Variants in ZC3HAV1L observed in about 807,000 individuals in gnomAD.
The protein encoded by ZC3HAV1L is ZC3HAV1 like, also known as zinc finger CCCH-type antiviral protein 1-like.
Under a neutral mutation model 28.2 loss-of-function variants are expected in ZC3HAV1L, and 23 were observed. The ratio of observed to expected loss-of-function variants is 0.82; its 90% CI spans 0.59 to 1.16. ZC3HAV1L has a LOEUF of 1.16. Among genes scored for constraint, ZC3HAV1L ranks in the 50% most tolerant of loss-of-function variants. ZC3HAV1L has a pLI of 0.00. For missense variants in ZC3HAV1L, 376 were observed against 387.7 expected (o/e 0.97, Z 0.25); for synonymous variants, 180 against 163.4 (o/e 1.10, Z -0.78).
rs1815353594 is a variant in ZC3HAV1L, at chr7:139,026,432, A to G, written c.*112T>C. On this transcript the variant is annotated 3_prime_UTR_variant, in exon 5 of 5. Coordinates refer to ENST00000275766, the MANE Select transcript of ZC3HAV1L (RefSeq NM_080660.4). ...TCAGCACTTGCCCTGGACTAGCCCCATCTGCACTCAATTTTAGCCTCTCTT... is the reference window on the plus strand; with the variant it reads ...TCAGCACTTGCCCTGGACTAGCCCCGTCTGCACTCAATTTTAGCCTCTCTT... 3.3e-6 allele frequency: 5 copies of G among 1,523,134 alleles called. No homozygotes were observed. The highest frequency in any genetic ancestry group is 3.5e-6 in the Non-Finnish European group (4 of 1,137,652). 94.4% of individuals were successfully genotyped at this position (1,523,134 alleles called of 1,614,324 possible).
intron 2 of ZC3HAV1L, among the ~76,000 whole-genome samples, chr7:139,033,023 C>T (rs1307569201): frequency 6.6e-6 from 1 of 152,120 alleles, no homozygotes; most frequent in Non-Finnish European, 1.5e-5. Flanking sequence ...GCCCGGCCAA[C>T]ATGGTGAAAC....
chr7:139,035,758 G>C lies in ZC3HAV1L; in HGVS notation c.260C>G (p.Ser87Cys). ...CTGGTAGCGGGCGCAGAGGCGCACA[G>C]AGGACACGGCCACCACCCTCCAGGC... The part of the protein sequence containing the change: ...TSAWRVVAVS[S>C]VRLCARYQRG... Residue 87 changes from serine to cysteine, a missense_variant, in exon 1 of 5, where the codon TCT (serine) becomes TGT (cysteine). Coordinates refer to ENST00000275766, the MANE Select transcript of ZC3HAV1L (RefSeq NM_080660.4). 1 of 1,497,412 alleles carries C rather than the reference G, an allele frequency of 6.7e-7. No homozygotes were observed. Among genetic ancestry groups the C allele is most frequent in the Non-Finnish European group, 8.8e-7 (1 of 1,131,924 alleles). The allele number at this position is 1,497,412 out of a possible 1,614,324, so 92.8% of individuals were successfully genotyped here.
chr7:139,034,847 G>C lies in ZC3HAV1L; in HGVS notation c.366-169C>G. The C allele has an allele frequency of 3.0e-6, 3 of 985,270 alleles. No individual in the cohort carries two copies. The South Asian group carries it at 1.4e-4, about 46-fold the overall frequency. The allele number at this position is 985,270 out of a possible 1,614,324, so 61.0% of individuals were successfully genotyped here. ...GCACTGATGGAAAATAAGAAAATTG[G>C]GTTGAAGGAACTCCTCTCCCAGGGT... On this transcript the variant is annotated intron_variant, in intron 1 of 4. Transcript: ENST00000275766.
At chr7:139,021,974 G>C (rs1815255887), downstream of ZC3HAV1L, among the ~76,000 whole-genome samples, 2 of 152,166 alleles carry the variant, frequency 1.3e-5, no homozygotes, top group African/African-American at 4.8e-5. Context: ...TAATAATAGA[G>C]ATTCCCATGC....
chr7:139,029,669 T>C (rs1206024128), intron 2 of ZC3HAV1L, among the ~76,000 whole-genome samples: 1 of 152,172 alleles, frequency 6.6e-6, no homozygotes, highest in East Asian at 1.9e-4. Flanking sequence ...CTTGTAGCTT[T>C]TCCTTCCTTA....
intron 1 of ZC3HAV1L, chr7:139,034,921 C>G (rs773674908): frequency 6.4e-5 from 63 of 985,344 alleles, no homozygotes; most frequent in Non-Finnish European, 7.3e-5. Context: ...TCGCCCACCT[C>G]GCCTGAGGAT....
At chr7:139,030,162 C>T (rs900114087) in intron 2 of ZC3HAV1L, among the ~76,000 whole-genome samples, 2 of 152,254 alleles carry the variant, frequency 1.3e-5, no homozygotes, top group South Asian at 4.1e-4. Flanking sequence ...AAAATAAATC[C>T]TGGCTGGGCG....
intron 2 of ZC3HAV1L, among the ~76,000 whole-genome samples, chr7:139,032,292 CA>C (rs1199259578): frequency 6.6e-6 from 1 of 151,958 alleles, no homozygotes; most frequent in Non-Finnish European, 1.5e-5. Context: ...TTCAATTAAA[CA>C]GGATGAATTT....
In ZC3HAV1L at chr7:139,033,966, G is replaced by C. The variant is rs919199800; in HGVS notation, c.501+577C>G. ...CATACCAGACTTGGCTTCAGTGCTC[G>C]AAGAAATGAAACAGGTTATGCATGT... is the stretch of plus-strand genomic sequence containing the variant. On this transcript the variant is annotated intron_variant, in intron 2 of 4. Transcript: ENST00000275766. 8.1e-6 allele frequency: 8 copies of C among 985,246 alleles called. No homozygotes were observed. The African/African-American group carries it at 1.2e-4, about 15-fold the overall frequency. 61.0% of individuals were successfully genotyped at this position (985,246 alleles called of 1,614,324 possible).
chr7:139,035,870 G>A lies in ZC3HAV1L; in HGVS notation c.148C>T (p.Leu50=). 1 of 1,510,720 alleles carries A rather than the reference G, an allele frequency of 6.6e-7. No homozygotes were observed. Among genetic ancestry groups the A allele is most frequent in the Non-Finnish European group, 8.8e-7 (1 of 1,137,322 alleles). 93.6% of individuals were successfully genotyped at this position (1,510,720 alleles called of 1,614,324 possible). A position where few individuals can be genotyped will look rare whatever the true frequency, so the allele number is the denominator to read the frequency against. Residue 50 remains leucine (L), a synonymous_variant, in exon 1 of 5, where the codon CTG becomes TTG. Coordinates refer to ENST00000275766, the MANE Select transcript of ZC3HAV1L (RefSeq NM_080660.4). The stretch of plus-strand genomic sequence containing the variant: ...TCCTGCGTCTCCACCTCCTGCAGCA[G>A]GAAACGCTCGGGCCCGGCGCGCTGC... ...VLQRAGPERF[L]LQEVETQEGL...
At chr7:139,027,680 AAAC>A (rs1229212102) in intron 3 of ZC3HAV1L, among the ~76,000 whole-genome samples, 1 of 152,228 alleles carries the variant, frequency 6.6e-6, no homozygotes, top group Admixed American at 6.5e-5. Context: ...CTGTCTTCAA[AAAC>A]AACAATAAAA....
chr7:139,025,626 C>T (rs1330752654), downstream of ZC3HAV1L: 1 of 151,900 alleles, frequency 6.6e-6, no homozygotes, highest in Non-Finnish European at 1.5e-5. Context: ...TGTCCCACAT[C>T]AGCATAGATG....
intron 2 of ZC3HAV1L, among the ~76,000 whole-genome samples, chr7:139,029,250 A>C (rs532734474): frequency 6.6e-6 from 1 of 152,160 alleles, no homozygotes; most frequent in East Asian, 1.9e-4. Context: ...TGATCTGCCC[A>C]CCTCAGCCTC....
chr7:139,023,182 GAAAAAAA>G (rs565321825), downstream of ZC3HAV1L, among the ~76,000 whole-genome samples: 1 of 103,122 alleles, frequency 9.7e-6, no homozygotes, highest in Non-Finnish European at 1.8e-5. Context: ...AAGGAAAAAA[GAAAAAAA>G]AAAAAAAAAA....
At chr7:139,034,800 C>G (rs910293447) in intron 1 of ZC3HAV1L, 122 bp from the exon 2 acceptor site, 1 of 1,453,326 alleles carries the variant, frequency 6.9e-7, no homozygotes, top group Admixed American at 2.5e-5. Context: ...TTCATGAAAC[C>G]GGGGATAGTA....
At chr7:139,033,035 C>T (rs2130636457) in intron 2 of ZC3HAV1L, among the ~76,000 whole-genome samples, 1 of 152,224 alleles carries the variant, frequency 6.6e-6, no homozygotes, top group Middle Eastern at 3.4e-3. Context: ...TGGTGAAACG[C>T]TATCTCTACC....
rs551813461 is a variant in ZC3HAV1L, at chr7:139,031,812, G to A, written c.501+2731C>T. 3.7e-3 allele frequency among the ~76,000 whole-genome samples: 559 copies of A among 151,052 alleles called. 4 individuals carry two copies. The highest frequency in any genetic ancestry group is 0.013 in the African/African-American group (522 of 41,174). On this transcript the variant is annotated intron_variant, in intron 2 of 4. Transcript: ENST00000275766. ...CCCAGCTACTTGGGAGGCTGAGGCA[G>A]GAGAATCGCTTGAACCAGGGAGGTG...
At chr7:139,032,211 G>A (rs1815554956) in intron 2 of ZC3HAV1L, among the ~76,000 whole-genome samples, 1 of 152,112 alleles carries the variant, frequency 6.6e-6, no homozygotes, top group Non-Finnish European at 1.5e-5. Flanking sequence ...CAAATATAAG[G>A]AACAGCCTGT....
downstream of ZC3HAV1L, among the ~76,000 whole-genome samples, chr7:139,021,941 T>C (rs746372601): frequency 6.6e-6 from 1 of 152,070 alleles, no homozygotes; most frequent in African/African-American, 2.4e-5. Context: ...AAAAGATACA[T>C]ATTTTAAAAG....
Sources: gnomAD v4.1 joint callset for allele counts (sites outside exome capture counted in the v4.1 genomes callset) on GRCh38, gnomAD v4.1.1 for gene constraint, MANE v1.5 for transcripts, NCBI Gene and HGNC (gene_info 2026-07-23, HGNC 2026-07-21) for gene names.